LHX9: variants seen among roughly 807,000 people sequenced by gnomAD.
LHX9 encodes LIM homeobox 9.
A neutral mutation model predicts 36.5 loss-of-function variants in LHX9; 9 were observed. That is an observed-to-expected ratio of 0.25 (90% CI 0.15 to 0.43). The LOEUF (loss-of-function observed/expected upper bound fraction) is 0.43, where lower values mean the gene tolerates loss of function less well. Among genes scored for constraint, LHX9 ranks in the 20% least tolerant of loss-of-function variants. LHX9 has a pLI of 1.00. For synonymous variants in LHX9, 211 were observed against 212.1 expected, an observed-to-expected ratio of 0.99 and a Z score of 0.04; for missense variants, 464 against 526.4, an observed-to-expected ratio of 0.88 and a Z score of 1.16.
chr1:197,923,353 G>T (rs1660046801), intron 3 of LHX9, among the ~76,000 whole-genome samples: 1 of 152,198 alleles, frequency 6.6e-6, no homozygotes, highest in African/African-American at 2.4e-5. Flanking sequence ...AGGAGATTTG[G>T]TTAGGGGCCA....
At chr1:197,920,500 GTGTT>G (rs1251868854) in intron 2 of LHX9, among the ~76,000 whole-genome samples, 1 of 152,126 alleles carries the variant, frequency 6.6e-6, no homozygotes, top group East Asian at 1.9e-4. Context: ...ACTTGATTGG[GTGTT>G]TGTTTTCCGC....
Position 197,917,669 on chromosome 1 carries a change from C to T in LHX9, c.-155C>T, listed in dbSNP as rs1659811319. On this transcript the variant is annotated 5_prime_UTR_variant, in exon 1 of 5. Coordinates refer to ENST00000367387, the MANE Select transcript of LHX9 (RefSeq NM_020204.3). The stretch of plus-strand genomic sequence containing the variant: ...AGTTCTTTTTGCTTCCCCTCGGCCC[C>T]CCAAGCAGACCGATTTCCACTCCAT... The T allele has an allele frequency of 2.6e-6, 4 of 1,552,688 alleles. No individual in the cohort carries two copies. Among genetic ancestry groups the T allele is most frequent in the Non-Finnish European group, 3.5e-6 (4 of 1,155,172 alleles).
In LHX9 at chr1:197,934,024, G is replaced by A. The variant is rs965840731; in HGVS notation, c.*4765G>A. 9 of 152,270 alleles carry A rather than the reference G, an allele frequency of 5.9e-5. No homozygotes were observed. Among genetic ancestry groups the A allele is most frequent in the African/African-American group, 2.2e-4 (9 of 41,546 alleles). The allele number at this position is 152,270 out of a possible 1,614,324, so 9.4% of individuals were successfully genotyped here. A position where few individuals can be genotyped will look rare whatever the true frequency, so the allele number is the denominator to read the frequency against. The stretch of plus-strand genomic sequence containing the variant: ...TCTTGGGCAAAAAGCTTCACTGAGA[G>A]TTAGTGTCTGTGTGCTTTGGTTGAA... On this transcript the variant is annotated 3_prime_UTR_variant, in exon 5 of 5. Transcript: ENST00000367387.
chr1:197,929,390 C>G lies in LHX9; in HGVS notation c.*131C>G. The G allele has an allele frequency of 8.5e-7, 1 of 1,182,954 alleles. No homozygotes were observed. The highest frequency in any genetic ancestry group is 1.0e-6 in the Non-Finnish European group (1 of 962,476). 73.3% of individuals were successfully genotyped at this position (1,182,954 alleles called of 1,614,324 possible). The stretch of plus-strand genomic sequence containing the variant: ...CAAGATATTTGGGGAATAAAAATAA[C>G]AGCTTGGTGTGTAGCATCTGCAGCC... On this transcript the variant is annotated 3_prime_UTR_variant, in exon 5 of 5. Transcript: ENST00000367387.
Position 197,929,202 on chromosome 1 carries a change from C to T in LHX9, c.1137C>T (p.Asn379=), listed in dbSNP as rs759746764. 1.3e-6 allele frequency: 2 copies of T among 1,565,130 alleles called. No individual in the cohort carries two copies. The highest frequency in any genetic ancestry group is 2.4e-5 in the South Asian group (2 of 83,550). Residue 379 remains asparagine, a synonymous_variant, in exon 5 of 5, where the codon AAC becomes AAT. Coordinates refer to ENST00000367387, the MANE Select transcript of LHX9 (RefSeq NM_020204.3). ...CTGTAGTGACATCCGTGACCTCTAA[C>T]ATGGACAGCCACGAATCCGGAAGCC... is the stretch of plus-strand genomic sequence containing the variant. ...TITVVTSVTS[N]MDSHESGSPS...
chr1:197,926,645 C>A (rs917286634), intron 3 of LHX9, among the ~76,000 whole-genome samples: 2 of 152,120 alleles, frequency 1.3e-5, no homozygotes, highest in African/African-American at 4.8e-5. Context: ...AGAGAAAATG[C>A]CGCCCTCTCT....
In LHX9 at chr1:197,917,577, G is replaced by A. The variant is rs1051505068; in HGVS notation, c.-247G>A. On this transcript the variant is annotated 5_prime_UTR_variant, in exon 1 of 5. Transcript: ENST00000367387. ...GCCTTCTACGCCTCTTTTTCCCTCC[G>A]CCCGAATTGTTTGTTTTCTGCACAT... The A allele has an allele frequency of 6.7e-7, 1 of 1,491,244 alleles. No individual in the cohort carries two copies. The highest frequency in any genetic ancestry group is 1.4e-5 in the African/African-American group (1 of 70,640). 92.4% of individuals were successfully genotyped at this position (1,491,244 alleles called of 1,614,324 possible).
chr1:197,913,726 G>A (rs1659677349), upstream of LHX9, among the ~76,000 whole-genome samples: 1 of 152,164 alleles, frequency 6.6e-6, no homozygotes, highest in South Asian at 2.1e-4. Context: ...TGTTTTAAGA[G>A]CCGCGCCTTT....
In LHX9 at chr1:197,919,885, C is replaced by T. The variant is rs1052498060; in HGVS notation, c.175-87C>T. The T allele has an allele frequency of 1.1e-5, 16 of 1,404,472 alleles. No individual in the cohort carries two copies. The Admixed American group carries it at 2.3e-4, about 20-fold the overall frequency. The allele number at this position is 1,404,472 out of a possible 1,614,324, so 87.0% of individuals were successfully genotyped here. ...GCCCCTGCCGCTCTCCCTGCACACC[C>T]TGGGCTTGGTCTGCCTGGGGGAGAA... On this transcript the variant is annotated intron_variant, in intron 1 of 4. Coordinates refer to ENST00000367387, the MANE Select transcript of LHX9 (RefSeq NM_020204.3).
In LHX9 at chr1:197,919,960, C is replaced by G. The variant is rs376736298; in HGVS notation, c.175-12C>G. ...GCGCCCTCCTCAGCCTTGCGGTGTG[C>G]TTTCTTTGCAGGGCATGCCCCCGCT... On this transcript the variant is annotated splice_polypyrimidine_tract_variant and intron_variant, in intron 1 of 4. Transcript: ENST00000367387. 2.0e-4 allele frequency: 325 copies of G among 1,613,358 alleles called. 1 individual carries two copies. The highest frequency in any genetic ancestry group is 2.7e-4 in the Non-Finnish European group (314 of 1,179,836).
intron 3 of LHX9, among the ~76,000 whole-genome samples, chr1:197,924,561 T>A (rs1054752498): frequency 3.2e-4 from 48 of 152,250 alleles, no homozygotes; most frequent in African/African-American, 1.1e-3. Flanking sequence ...AAGATTTAGT[T>A]TAGGATAGGA....
At chr1:197,920,513 G>T (rs1473230863) in intron 2 of LHX9, among the ~76,000 whole-genome samples, 12 of 152,224 alleles carry the variant, frequency 7.9e-5, no homozygotes, top group East Asian at 7.7e-4. Context: ...TTTGTTTTCC[G>T]CTTGCTACGA....
Position 197,929,122 on chromosome 1 carries a change from C to T in LHX9, c.1057C>T (p.Leu353Phe). 1 of 1,613,766 alleles carries T rather than the reference C, an allele frequency of 6.2e-7. No individual in the cohort carries two copies. Among genetic ancestry groups the T allele is most frequent in the Admixed American group, 1.7e-5 (1 of 59,942 alleles). ...CCCGCCCTCAGCAGACAGCGGAGCTCTCACTCCACCCGGCACTGCGACCAC... is the reference window on the plus strand; with the variant it reads ...CCCGCCCTCAGCAGACAGCGGAGCTTTCACTCCACCCGGCACTGCGACCAC... ...PAPPSADSGA[L>F]TPPGTATTLT... Residue 353 changes from leucine to phenylalanine, a missense_variant, in exon 5 of 5, where the codon CTC becomes TTC. Leu to Phe is a conservative substitution (Grantham distance 22). Coordinates refer to ENST00000367387, the MANE Select transcript of LHX9 (RefSeq NM_020204.3).
chr1:197,913,794 C>T (rs1659678651), upstream of LHX9, among the ~76,000 whole-genome samples: 1 of 152,196 alleles, frequency 6.6e-6, no homozygotes, highest in Non-Finnish European at 1.5e-5. Context: ...GTAACGCCTC[C>T]TTCTTAAAGG....
At chr1:197,912,894 A>T, upstream of LHX9, 1 of 371,662 alleles carries the variant, frequency 2.7e-6, no homozygotes, top group Non-Finnish European at 4.9e-6. Context: ...CCCTCCGGGG[A>T]GCTGCTGGGG....
chr1:197,916,729 T>C, upstream of LHX9: 2 of 702,938 alleles, frequency 2.8e-6, no homozygotes, highest in Non-Finnish European at 5.2e-6. Context: ...CAGCATCTAG[T>C]AGGGTCTCCG....
At chr1:197,923,130 G>C (rs1257499249) in intron 3 of LHX9, among the ~76,000 whole-genome samples, 1 of 152,204 alleles carries the variant, frequency 6.6e-6, no homozygotes, top group African/African-American at 2.4e-5. Context: ...GGCCTTGCAG[G>C]GAGAATGGGG....
intron 3 of LHX9, among the ~76,000 whole-genome samples, chr1:197,923,783 G>A (rs1416021222): frequency 3.3e-5 from 5 of 152,074 alleles, no homozygotes; most frequent in Non-Finnish European, 5.9e-5. Flanking sequence ...TTTTTAAGAA[G>A]AATAAAAGAA....
In LHX9 at chr1:197,932,090, G is replaced by C; in HGVS notation, c.*2831G>C. Reference sequence around the variant, plus strand: ...ATTTATTAAGCCAAAAAAAAAGAGAGAGAGAGAGACTTAAATGTCATTTAC... The same window carrying C: ...ATTTATTAAGCCAAAAAAAAAGAGACAGAGAGAGACTTAAATGTCATTTAC... On this transcript the variant is annotated 3_prime_UTR_variant, in exon 5 of 5. Transcript: ENST00000367387. The C allele has an allele frequency of 1.4e-6, 1 of 708,132 alleles. No individual in the cohort carries two copies. Among genetic ancestry groups the C allele is most frequent in the Non-Finnish European group, 2.3e-6 (1 of 429,902 alleles). 43.9% of individuals were successfully genotyped at this position (708,132 alleles called of 1,614,324 possible).
Sources: gnomAD v4.1 joint callset for allele counts (sites outside exome capture counted in the v4.1 genomes callset) on GRCh38, gnomAD v4.1.1 for gene constraint, MANE v1.5 for transcripts, NCBI Gene and HGNC (gene_info 2026-07-23, HGNC 2026-07-21) for gene names.